AFG2A: variants seen among roughly 807,000 people sequenced by gnomAD.
The protein encoded by AFG2A is ATPase family gene 2 protein homolog A.
the AFG2A span, among the ~76,000 whole-genome samples, chr4:123,082,956 C>CT: frequency 6.6e-6 from 1 of 152,014 alleles, no homozygotes; most frequent in Admixed American, 6.6e-5. Context: ...ATTTGAAACA[C>CT]TTTTTAATTG....
the AFG2A span, among the ~76,000 whole-genome samples, chr4:122,953,637 C>T: frequency 3.9e-5 from 6 of 152,220 alleles, no homozygotes; most frequent in Non-Finnish European, 8.8e-5. Flanking sequence ...TAGTGAAGCA[C>T]TCTTCTGGTG....
the AFG2A span, among the ~76,000 whole-genome samples, chr4:122,950,360 A>G: frequency 1.4e-5 from 2 of 139,076 alleles, no homozygotes; most frequent in Non-Finnish European, 3.1e-5. Flanking sequence ...TTTTTTTGAG[A>G]TGGAGTTTCG....
the AFG2A span, among the ~76,000 whole-genome samples, chr4:123,053,850 GC>G: frequency 1.7e-4 from 26 of 152,302 alleles, no homozygotes; most frequent in Middle Eastern, 0.01. Context: ...ACTGGGCGGG[GC>G]TTAGACTGGG....
chr4:123,053,609 G>A, the AFG2A span, among the ~76,000 whole-genome samples: 2 of 152,220 alleles, frequency 1.3e-5, no homozygotes, highest in African/African-American at 4.8e-5. Flanking sequence ...GGAATCTGCT[G>A]TGGGATGGAG....
the AFG2A span, among the ~76,000 whole-genome samples, chr4:123,311,498 G>A: frequency 3.9e-5 from 6 of 151,952 alleles, no homozygotes; most frequent in South Asian, 4.2e-4. Context: ...GTGGTGGCAC[G>A]CGCCCGTAGT....
chr4:123,198,723 C>T, the AFG2A span, among the ~76,000 whole-genome samples: 1 of 152,184 alleles, frequency 6.6e-6, no homozygotes, highest in Non-Finnish European at 1.5e-5. Context: ...TCCAAAATAT[C>T]TTCCTGCCCT....
the AFG2A span, among the ~76,000 whole-genome samples, chr4:122,960,592 G>A: frequency 6.6e-6 from 1 of 152,140 alleles, no homozygotes; most frequent in Non-Finnish European, 1.5e-5. Context: ...ATTTCAACAT[G>A]TTCTTACCAA....
chr4:123,097,373 G>T, the AFG2A span, among the ~76,000 whole-genome samples: 4 of 132,716 alleles, frequency 3.0e-5, no homozygotes, highest in Non-Finnish European at 4.9e-5. Context: ...AAAAAAAAAA[G>T]CTGCAAGGAC....
At chr4:123,035,791 T>C in the AFG2A span, among the ~76,000 whole-genome samples, 1 of 151,898 alleles carries the variant, frequency 6.6e-6, no homozygotes, top group Admixed American at 6.6e-5. Flanking sequence ...AAAATGACAA[T>C]AAGAACTATA....
the AFG2A span, among the ~76,000 whole-genome samples, chr4:123,093,579 GA>G: frequency 7.9e-5 from 12 of 152,172 alleles, no homozygotes; most frequent in Non-Finnish European, 1.6e-4. Flanking sequence ...TTTTTCACCA[GA>G]AAACAAGTCT....
chr4:123,284,659 G>A, the AFG2A span, among the ~76,000 whole-genome samples: 1 of 152,054 alleles, frequency 6.6e-6, no homozygotes, highest in African/African-American at 2.4e-5. Context: ...AGGTTTTGGG[G>A]GTACTACATT....
the AFG2A span, among the ~76,000 whole-genome samples, chr4:122,936,807 C>T: frequency 8.5e-5 from 13 of 152,256 alleles, no homozygotes; most frequent in East Asian, 2.5e-3. Context: ...TAGTGAAACC[C>T]CGTCTCTACT....
chr4:123,263,240 A>G, the AFG2A span, among the ~76,000 whole-genome samples: 4 of 152,192 alleles, frequency 2.6e-5, no homozygotes, highest in African/African-American at 9.7e-5. Context: ...CACGAATTAG[A>G]AAAAGGTGTT....
At chr4:123,245,981 C>T in the AFG2A span, among the ~76,000 whole-genome samples, 1 of 151,822 alleles carries the variant, frequency 6.6e-6, no homozygotes, top group East Asian at 1.9e-4. Flanking sequence ...ACTTTTTCAG[C>T]TTTATGGGGA....
the AFG2A span, chr4:123,256,072 A>C: frequency 1.2e-6 from 2 of 1,614,124 alleles, no homozygotes; most frequent in Non-Finnish European, 1.7e-6. Flanking sequence ...TACCGGATGC[A>C]GCAACAAGAA....
the AFG2A span, among the ~76,000 whole-genome samples, chr4:123,072,210 A>G: frequency 1.3e-5 from 2 of 152,144 alleles, no homozygotes; most frequent in East Asian, 1.9e-4. Flanking sequence ...TCACAGCACT[A>G]TTATTGGGAT....
At chr4:123,026,751 T>C in the AFG2A span, among the ~76,000 whole-genome samples, 1 of 152,224 alleles carries the variant, frequency 6.6e-6, no homozygotes, top group Non-Finnish European at 1.5e-5. Context: ...TATACATACT[T>C]GTAAAGAAAT....
the AFG2A span, among the ~76,000 whole-genome samples, chr4:123,246,255 A>G: frequency 6.6e-6 from 1 of 152,210 alleles, no homozygotes; most frequent in Non-Finnish European, 1.5e-5. Context: ...CTTCAAAGAC[A>G]TCTCTTAAAT....
At chr4:122,940,249 C>G in the AFG2A span, among the ~76,000 whole-genome samples, 1 of 152,010 alleles carries the variant, frequency 6.6e-6, no homozygotes. Flanking sequence ...GTCCCACCAA[C>G]AGTGTAAAAG....
Sources: allele counts gnomAD v4.1 joint callset (sites outside exome capture counted in the v4.1 genomes callset), GRCh38; gene constraint gnomAD v4.1.1; transcripts MANE v1.5; gene names NCBI Gene and HGNC (gene_info 2026-07-23, HGNC 2026-07-21).